Variants in WDFY4 observed in about 807,000 individuals in gnomAD.
The protein encoded by WDFY4 is WD repeat- and FYVE domain-containing protein 4.
A neutral mutation model predicts 351.9 loss-of-function variants in WDFY4; 169 were observed. That is an observed-to-expected ratio of 0.48 (90% confidence interval 0.42 to 0.55). The LOEUF is 0.55. WDFY4 is among the 20% of genes least tolerant of loss of function. The probability of loss-of-function intolerance (pLI) is 0.00; values close to 1 mark genes in which losing one functional copy is unlikely to be tolerated. For missense variants in WDFY4, 3,803 were observed against 3,935.6 expected, an observed-to-expected ratio of 0.97 and a Z score of 0.90; for synonymous variants, 1,622 against 1,574.6, an observed-to-expected ratio of 1.03 and a Z score of -0.71.
Position 48,796,414 on chromosome 10 carries a change from C to T in WDFY4, c.4374C>T (p.Asn1458=), listed in dbSNP as rs2066877227. The T allele has an allele frequency of 6.4e-7, 1 of 1,552,064 alleles. No homozygotes were observed. The highest frequency in any genetic ancestry group is 1.2e-5 in the South Asian group (1 of 84,066). ...ELGFRSSAIT[N]TGVFQHILCN... is the part of the protein sequence containing the mutation. The stretch of plus-strand genomic sequence containing the variant: ...GCTTCAGGTCATCTGCTATCACCAA[C>T]ACTGGTGTCTTCCAGCACATCCTCT... Residue 1458 remains asparagine, a synonymous_variant, in exon 24 of 62, where the codon AAC becomes AAT. Transcript: ENST00000325239.
intron 51 of WDFY4, among the ~76,000 whole-genome samples, chr10:48,956,833 G>A (rs1841613583): frequency 6.6e-6 from 1 of 152,156 alleles, no homozygotes; most frequent in South Asian, 2.1e-4. Context: ...GCTCAGATGT[G>A]GTTTTCCTGT....
chr10:48,927,013 C>T (rs1407538983), intron 47 of WDFY4, among the ~76,000 whole-genome samples: 1 of 152,234 alleles, frequency 6.6e-6, no homozygotes, highest in Non-Finnish European at 1.5e-5. Flanking sequence ...CAACTGCATT[C>T]TCTGGTTCTC....
At chr10:48,770,681 C>T (rs532291894) in intron 13 of WDFY4, among the ~76,000 whole-genome samples, 33 of 152,298 alleles carry the variant, frequency 2.2e-4, no homozygotes, top group South Asian at 4.1e-4. Context: ...TCAAGGACTT[C>T]GGGTGGATTT....
At chr10:48,822,241 C>A in intron 34 of WDFY4, 139 bp from the exon 35 acceptor site, 2 of 865,694 alleles carry the variant, frequency 2.3e-6, no homozygotes, top group Non-Finnish European at 3.2e-6. Context: ...GGCACCTCGT[C>A]AGTACAAGAC....
chr10:48,743,298 A>G lies in WDFY4; in HGVS notation c.2209A>G (p.Thr737Ala). Residue 737 changes from threonine (T) to alanine (A), a missense_variant, in exon 12 of 62, where the codon ACA becomes GCA. Thr to Ala is a moderately conservative substitution (Grantham distance 58). Coordinates refer to ENST00000325239, the MANE Select transcript of WDFY4 (RefSeq NM_001394531.1). Reference sequence around the variant, plus strand: ...CAACCTGCTGCGCTCTTGGGTGGACACAAAGGCCAGGCCATTTGCAGATTT... The same window carrying G: ...CAACCTGCTGCGCTCTTGGGTGGACGCAAAGGCCAGGCCATTTGCAGATTT... ...EGNLLRSWVD[T>A]KARPFADLLG... 1.3e-6 allele frequency: 2 copies of G among 1,551,724 alleles called. No homozygotes were observed. The highest frequency in any genetic ancestry group is 2.4e-5 in the South Asian group (2 of 84,066).
At chr10:48,838,264 C>T (rs2068473849) in intron 39 of WDFY4, among the ~76,000 whole-genome samples, 2 of 151,194 alleles carry the variant, frequency 1.3e-5, no homozygotes, top group Admixed American at 6.6e-5. Context: ...CTAAAGGCTG[C>T]CCTATGAGAC....
At chr10:48,923,405 T>C (rs1478867672) in intron 47 of WDFY4, among the ~76,000 whole-genome samples, 1 of 150,760 alleles carries the variant, frequency 6.6e-6, no homozygotes, top group Non-Finnish European at 1.5e-5. Context: ...ATCAATGGCT[T>C]CTCCCCATGG....
chr10:48,873,781 T>C (rs1334823209), intron 41 of WDFY4, 84 bp downstream of exon 41: 1 of 1,424,248 alleles, frequency 7.0e-7, no homozygotes, highest in African/African-American at 1.4e-5. Context: ...CATCACATGT[T>C]GTTTATATCA....
chr10:48,752,643 G>A (rs181786137), intron 12 of WDFY4, among the ~76,000 whole-genome samples: 3 of 152,290 alleles, frequency 2.0e-5, no homozygotes, highest in Non-Finnish European at 4.4e-5. Context: ...GTTTCCTTTG[G>A]CGTTTGACTT....
At chr10:48,798,644 C>A (rs2066953853) in intron 24 of WDFY4, among the ~76,000 whole-genome samples, 1 of 152,234 alleles carries the variant, frequency 6.6e-6, no homozygotes, top group Non-Finnish European at 1.5e-5. Context: ...GGTTTAAAAT[C>A]TGTTGACATA....
At chr10:48,845,950 G>A (rs544496490) in intron 39 of WDFY4, among the ~76,000 whole-genome samples, 2 of 152,312 alleles carry the variant, frequency 1.3e-5, no homozygotes, top group Admixed American at 6.5e-5. Flanking sequence ...TCTGCCAAGA[G>A]CCAGGTCCAG....
At chr10:48,872,279 T>C (rs1161586486) in intron 40 of WDFY4, among the ~76,000 whole-genome samples, 2 of 152,228 alleles carry the variant, frequency 1.3e-5, no homozygotes, top group African/African-American at 4.8e-5. Flanking sequence ...CATAAAATAA[T>C]AGCCCCTCAG....
chr10:48,746,692 G>A (rs1431505844), intron 12 of WDFY4, among the ~76,000 whole-genome samples: 1 of 151,910 alleles, frequency 6.6e-6, no homozygotes, highest in Non-Finnish European at 1.5e-5. Context: ...CTACTAGTAT[G>A]AAATTTAAAC....
intron 47 of WDFY4, among the ~76,000 whole-genome samples, chr10:48,905,343 G>A (rs1388105879): frequency 6.6e-6 from 1 of 152,210 alleles, no homozygotes; most frequent in Non-Finnish European, 1.5e-5. Flanking sequence ...TGATTGCCAG[G>A]TTGGAGGAAG....
Position 48,901,733 on chromosome 10 carries a change from A to G in WDFY4, c.7524-68A>G, listed in dbSNP as rs929064819. On this transcript the variant is annotated intron_variant, in intron 46 of 61. Transcript: ENST00000325239. ...GCCTAGCTTCCTGCCTGACTCCGGA[A>G]ATGCCTCTGCAGCAGGAGAAAGGGT... 3 of 1,499,982 alleles carry G rather than the reference A, an allele frequency of 2.0e-6. No individual in the cohort carries two copies. In the African/African-American group the frequency reaches 4.2e-5, roughly 21 times the overall value. 92.9% of individuals were successfully genotyped at this position (1,499,982 alleles called of 1,614,324 possible). A position where few individuals can be genotyped will look rare whatever the true frequency, so the allele number is the denominator to read the frequency against.
In WDFY4 at chr10:48,786,752, A is replaced by C; in HGVS notation, c.3690A>C (p.Leu1230Phe). The change falls in exon 20 of 62, where the codon TTA (leucine) becomes TTC (phenylalanine). Residue 1230 changes from leucine (L) to phenylalanine (F), a missense_variant. By Grantham distance (22) the Leu-to-Phe change is conservative (BLOSUM62 0). Coordinates refer to ENST00000325239, the MANE Select transcript of WDFY4 (RefSeq NM_001394531.1). ...TPRVWKQKSS[L>F]IWRLGPTYLF... Reference sequence around the variant, plus strand: ...GAGTCTGGAAACAAAAGTCTTCATTAATCTGGCGTCTTGGCCCCACATACC... The same window carrying C: ...GAGTCTGGAAACAAAAGTCTTCATTCATCTGGCGTCTTGGCCCCACATACC... The C allele has an allele frequency of 6.4e-7, 1 of 1,552,398 alleles. No homozygotes were observed. Among genetic ancestry groups the C allele is most frequent in the South Asian group, 1.2e-5 (1 of 84,070 alleles).
intron 4 of WDFY4, among the ~76,000 whole-genome samples, chr10:48,721,899 C>T (rs1230763645): frequency 3.3e-5 from 5 of 152,166 alleles, no homozygotes; most frequent in Admixed American, 6.5e-5. Context: ...TCAGCCTGAA[C>T]GACATTCCCT....
chr10:48,758,524 C>G (rs570740994), intron 12 of WDFY4, among the ~76,000 whole-genome samples: 1 of 152,184 alleles, frequency 6.6e-6, no homozygotes, highest in Non-Finnish European at 1.5e-5. Flanking sequence ...TACTCTTTCT[C>G]GTCTCCTTGG....
chr10:48,944,855 C>G (rs1196622149), intron 49 of WDFY4, among the ~76,000 whole-genome samples: 1 of 152,094 alleles, frequency 6.6e-6, no homozygotes, highest in African/African-American at 2.4e-5. Flanking sequence ...ATCTGGATTT[C>G]CAATATCTTT....
Sources: gnomAD v4.1 joint callset for allele counts (sites outside exome capture counted in the v4.1 genomes callset) on GRCh38, gnomAD v4.1.1 for gene constraint, MANE v1.5 for transcripts, NCBI Gene and HGNC (gene_info 2026-07-23, HGNC 2026-07-21) for gene names.